The following ABCA13 variants were observed in gnomAD, a reference collection of about 807,000 sequenced individuals.
The protein encoded by ABCA13 is ATP binding cassette subfamily A member 13.
In ABCA13, 476 loss-of-function variants were observed where a neutral mutation model predicts 478.7. The observed-to-expected ratio is 0.99, with a 90% confidence interval of 0.92 to 1.07. The LOEUF is 1.07. Ranked by LOEUF, ABCA13 falls within the 50% of genes least tolerant of loss-of-function variation. ABCA13 has a pLI of 0.00. For synonymous variants in ABCA13, 2,252 were observed against 2,158.9 expected, an observed-to-expected ratio of 1.04 and a Z score of -1.20; for missense variants, 6,060 against 5,910.6, an observed-to-expected ratio of 1.03 and a Z score of -0.83.
intron 55 of ABCA13, among the ~76,000 whole-genome samples, chr7:48,571,938 G>A (rs1329410749): frequency 6.6e-6 from 1 of 152,142 alleles, no homozygotes; most frequent in Non-Finnish European, 1.5e-5. Context: ...AGCACTGTGG[G>A]AGGCCGAGGT....
chr7:48,342,656 C>G (rs985182598), intron 29 of ABCA13, among the ~76,000 whole-genome samples: 1 of 152,124 alleles, frequency 6.6e-6, no homozygotes, highest in African/African-American at 2.4e-5. Context: ...TCTTTTGAAG[C>G]ATTGCTTCTG....
intron 29 of ABCA13, among the ~76,000 whole-genome samples, chr7:48,339,111 G>A (rs1806721829): frequency 6.6e-6 from 1 of 152,188 alleles, no homozygotes; most frequent in African/African-American, 2.4e-5. Flanking sequence ...GGAGTCAGAG[G>A]GAGGATGGGT....
intron 3 of ABCA13, among the ~76,000 whole-genome samples, chr7:48,209,211 T>G (rs1432899000): frequency 1.1e-4 from 16 of 152,144 alleles, no homozygotes; most frequent in African/African-American, 3.6e-4. Context: ...CATGTAAATT[T>G]AAATGTAATA....
chr7:48,401,003 A>G (rs1817528902), intron 38 of ABCA13, among the ~76,000 whole-genome samples: 1 of 152,236 alleles, frequency 6.6e-6, no homozygotes, highest in Admixed American at 6.5e-5. Context: ...GGTACATATG[A>G]TACGTGTCAC....
At chr7:48,595,189 A>G (rs1477654858) in intron 58 of ABCA13, among the ~76,000 whole-genome samples, 1 of 152,222 alleles carries the variant, frequency 6.6e-6, no homozygotes, top group Non-Finnish European at 1.5e-5. Context: ...AGCAGGTAGA[A>G]TTAGCTGAAC....
chr7:48,558,507 A>G (rs1786102979), intron 55 of ABCA13, among the ~76,000 whole-genome samples: 1 of 152,050 alleles, frequency 6.6e-6, no homozygotes, highest in Admixed American at 6.6e-5. Context: ...CATGTTGCCC[A>G]GGCTGGTCTT....
At chr7:48,547,124 G>T (rs902846112) in intron 55 of ABCA13, among the ~76,000 whole-genome samples, 89 of 151,840 alleles carry the variant, frequency 5.9e-4, no homozygotes, top group African/African-American at 2.0e-3. Context: ...ATGTACACAT[G>T]CTTGCATGTA....
chr7:48,203,592 T>C (rs1399852834), intron 3 of ABCA13, among the ~76,000 whole-genome samples: 5 of 151,532 alleles, frequency 3.3e-5, no homozygotes, highest in African/African-American at 1.2e-4. Flanking sequence ...ATTCCTGCCT[T>C]TGTTGGGGGG....
rs1812385307 is a variant in ABCA13, at chr7:48,370,005, A to T, written c.10803+2097A>T. 2.0e-5 allele frequency among the ~76,000 whole-genome samples: 3 copies of T among 152,094 alleles called. No homozygotes were observed. In the South Asian group the frequency reaches 6.2e-4, roughly 32 times the overall value. ...CAGTATGGTCATTTTCACAATATTG[A>T]TTCTACCCATCCGTGAGCATGGCAT... On this transcript the variant is annotated intron_variant, in intron 32 of 61. Coordinates refer to ENST00000435803, the MANE Select transcript of ABCA13 (RefSeq NM_152701.5).
intron 55 of ABCA13, among the ~76,000 whole-genome samples, chr7:48,557,902 C>G (rs1786009659): frequency 1.3e-5 from 2 of 152,142 alleles, no homozygotes. Context: ...CTATCTCTTT[C>G]TCTTCCTCCA....
Position 48,417,844 on chromosome 7 carries a change from G to A in ABCA13, c.12459+5261G>A, listed in dbSNP as rs527328215. ...TCTGCCTAGCCATTCCTCCCTGCCC[G>A]AAGCCCCAGCCCTCAGCAACCACTG... is the stretch of plus-strand genomic sequence containing the variant. On this transcript the variant is annotated intron_variant, in intron 41 of 61. Transcript: ENST00000435803. Among the ~76,000 whole-genome samples, 107 of 152,238 alleles carry A rather than the reference G, an allele frequency of 7.0e-4. 1 individual carries two copies. Among genetic ancestry groups the A allele is most frequent in the African/African-American group, 2.0e-3 (83 of 41,548 alleles).
intron 3 of ABCA13, among the ~76,000 whole-genome samples, chr7:48,207,612 C>G (rs1316845250): frequency 6.6e-6 from 1 of 152,022 alleles, no homozygotes; most frequent in Non-Finnish European, 1.5e-5. Flanking sequence ...TGAGAAATGT[C>G]TATTCAGATT....
In ABCA13 at chr7:48,278,964, G is replaced by T; in HGVS notation, c.7770G>T (p.Leu2590Phe). The change falls in exon 18 of 62, where the codon TTG (leucine) becomes TTT (phenylalanine). Residue 2590 changes from leucine (L) to phenylalanine (F), a missense_variant. By Grantham distance (22) the Leu-to-Phe change is conservative. Transcript: ENST00000435803. The stretch of plus-strand genomic sequence containing the variant: ...TCACATTTGAAAAGATAAATGATTT[G>T]TTGGTGCCATTTCTTGACTTGGCCT... Reference protein sequence around the residue: ...DHFTFEKINDLLVPFLDLAFE... With the variant: ...DHFTFEKINDFLVPFLDLAFE... 1 of 1,613,384 alleles carries T rather than the reference G, an allele frequency of 6.2e-7. No homozygotes were observed. The highest frequency in any genetic ancestry group is 1.1e-5 in the South Asian group (1 of 91,054).
chr7:48,205,393 A>T (rs931988659), intron 3 of ABCA13, among the ~76,000 whole-genome samples: 2 of 152,116 alleles, frequency 1.3e-5, no homozygotes, highest in African/African-American at 4.8e-5. Context: ...TTGATTTGTA[A>T]TCCCATTGTG....
intron 2 of ABCA13, among the ~76,000 whole-genome samples, chr7:48,196,340 T>C (rs1797929668): frequency 6.6e-6 from 1 of 152,172 alleles, no homozygotes. Context: ...GCAGATGAGC[T>C]TTCCTACAGA....
At chr7:48,514,267 T>C (rs896879020) in intron 51 of ABCA13, among the ~76,000 whole-genome samples, 3 of 152,104 alleles carry the variant, frequency 2.0e-5, no homozygotes, top group Admixed American at 2.0e-4. Flanking sequence ...TGAGGTAGCT[T>C]TACCTAAACT....
intron 58 of ABCA13, among the ~76,000 whole-genome samples, chr7:48,596,603 G>A (rs1240771665): frequency 6.6e-6 from 1 of 152,122 alleles, no homozygotes; most frequent in Non-Finnish European, 1.5e-5. Context: ...GAGGTCAGGA[G>A]ATCAAGACCA....
At position 48,647,450 on chromosome 7, in the gene ABCA13, G is replaced by A. The variant is rs1484965312; in HGVS notation, c.*1938G>A. The A allele has an allele frequency of 6.6e-6, 1 of 152,158 alleles. No homozygotes were observed. The highest frequency in any genetic ancestry group is 2.4e-5 in the African/African-American group (1 of 41,448). The allele number at this position is 152,158 out of a possible 1,614,324, so 9.4% of individuals were successfully genotyped here. ...AAATACCAATTTGTGAAACATGAATGTGTTTAAACTGCAGTGAATAAATGA... is the reference window on the plus strand; with the variant it reads ...AAATACCAATTTGTGAAACATGAATATGTTTAAACTGCAGTGAATAAATGA... On this transcript the variant is annotated 3_prime_UTR_variant, in exon 62 of 62. Transcript: ENST00000435803.
chr7:48,171,531 G>C lies in ABCA13; in HGVS notation c.48G>C (p.Trp16Cys), dbSNP rs1274350454. 9 of 1,536,272 alleles carry C rather than the reference G, an allele frequency of 5.9e-6. No individual in the cohort carries two copies. The Admixed American group carries it at 1.6e-4, about 27-fold the overall frequency. Residue 16 changes from tryptophan to cysteine, a missense_variant, in exon 1 of 62, where the codon TGG becomes TGC. Coordinates refer to ENST00000435803, the MANE Select transcript of ABCA13 (RefSeq NM_152701.5). The stretch of plus-strand genomic sequence containing the variant: ...TCAAAGCCCTGCTGTGGAAGAATTG[G>C]CTCTGCAGACTCAGGAACCCGGTGA... ...CQFKALLWKN[W>C]LCRLRNPVLF...
Sources: allele counts gnomAD v4.1 joint callset (sites outside exome capture counted in the v4.1 genomes callset), GRCh38; gene constraint gnomAD v4.1.1; transcripts MANE v1.5; gene names NCBI Gene and HGNC (gene_info 2026-07-23, HGNC 2026-07-21).